EVA1A: variants seen among roughly 807,000 people sequenced by gnomAD.
EVA1A encodes the protein eva-1 homolog A, regulator of programmed cell death.
EVA1A carries 7 observed loss-of-function variants against 9.8 expected under a neutral mutation model. That is an observed-to-expected ratio of 0.71 (90% CI 0.41 to 1.34). The LOEUF is 1.34. Ranked by LOEUF, EVA1A falls within the 40% of genes most tolerant of loss-of-function variation. EVA1A has a pLI of 0.01. For synonymous variants in EVA1A, 90 were observed against 85.6 expected, an observed-to-expected ratio of 1.05 and a Z score of -0.28; for missense variants, 206 against 205.9, an observed-to-expected ratio of 1.00 and a Z score of 0.00.
At chr2:75,566,795 C>T (rs1677036649) in intron 1 of EVA1A, among the ~76,000 whole-genome samples, 1 of 152,190 alleles carries the variant, frequency 6.6e-6, no homozygotes, top group South Asian at 2.1e-4. Context: ...TTAATCAAAA[C>T]ATATTCACCA....
intron 1 of EVA1A, among the ~76,000 whole-genome samples, chr2:75,543,232 T>C (rs1572984041): frequency 6.6e-6 from 1 of 152,170 alleles, no homozygotes; most frequent in African/African-American, 2.4e-5. Context: ...TTGTGGATCC[T>C]TAATTCAGGA....
Position 75,560,749 on chromosome 2 carries a change from C to T in EVA1A, c.-261G>A, listed in dbSNP as rs1205974760. 2 of 152,568 alleles carry T rather than the reference C, an allele frequency of 1.3e-5. No homozygotes were observed. The highest frequency in any genetic ancestry group is 4.8e-5 in the African/African-American group (2 of 41,460). The allele number at this position is 152,568 out of a possible 1,614,324, so 9.5% of individuals were successfully genotyped here. ...GCGCGCGGGGCCGAGCAGGGGGACC[C>T]GGAGCTGATCACTGAGGGGCGGACA... On this transcript the variant is annotated 5_prime_UTR_variant, in exon 1 of 4. Transcript: ENST00000393913.
At chr2:75,499,703 T>G (rs1179677318) in intron 3 of EVA1A, among the ~76,000 whole-genome samples, 1 of 152,150 alleles carries the variant, frequency 6.6e-6, no homozygotes, top group African/African-American at 2.4e-5. Context: ...TGCCACTAGT[T>G]GCATCAGGAA....
rs943500584 is a variant in EVA1A at position 75,542,500 on chromosome 2, G to A, written c.-192+18180C>T. On this transcript the variant is annotated intron_variant, in intron 1 of 3. Transcript: ENST00000393913. Reference sequence around the variant, plus strand: ...GTCTTCTCCGTTCATTTCCCACTTGGTTCTACTTCTGGGTTTTGCTCTGTT... The same window carrying A: ...GTCTTCTCCGTTCATTTCCCACTTGATTCTACTTCTGGGTTTTGCTCTGTT... 3.3e-5 allele frequency: 5 copies of A among 152,302 alleles called. No homozygotes were observed. In the East Asian group the frequency reaches 9.7e-4, roughly 29 times the overall value. 9.4% of individuals were successfully genotyped at this position (152,302 alleles called of 1,614,324 possible).
At chr2:75,510,841 G>A (rs1674787473) in intron 3 of EVA1A, among the ~76,000 whole-genome samples, 1 of 152,200 alleles carries the variant, frequency 6.6e-6, no homozygotes, top group African/African-American at 2.4e-5. Flanking sequence ...AAATACAAAT[G>A]GCTCTTCAAC....
At chr2:75,513,757 T>C (rs1674906125) in intron 3 of EVA1A, among the ~76,000 whole-genome samples, 1 of 152,206 alleles carries the variant, frequency 6.6e-6, no homozygotes, top group Admixed American at 6.5e-5. Flanking sequence ...AGCTGGAATA[T>C]ATTACACTGA....
Position 75,495,807 on chromosome 2 carries a change from T to A in EVA1A, c.86-2198A>T, listed in dbSNP as rs893743383. Among the ~76,000 whole-genome samples, 17 of 152,336 alleles carry A rather than the reference T, an allele frequency of 1.1e-4. No individual in the cohort carries two copies. In the East Asian group the frequency reaches 3.1e-3, roughly 28 times the overall value. On this transcript the variant is annotated intron_variant, in intron 3 of 3. Coordinates refer to ENST00000393913, the MANE Select transcript of EVA1A (RefSeq NM_001135032.2). ...AAAAAATATTGTCCAAATATGTTCCTAAAATTTCATGAAATCCATTACATC... is the reference window on the plus strand; with the variant it reads ...AAAAAATATTGTCCAAATATGTTCCAAAAATTTCATGAAATCCATTACATC...
intron 3 of EVA1A, among the ~76,000 whole-genome samples, chr2:75,514,170 G>A (rs192839767): frequency 6.6e-6 from 1 of 152,296 alleles, no homozygotes; most frequent in East Asian, 1.9e-4. Context: ...AATCAATGAT[G>A]GTGGGACTAA....
chr2:75,526,542 AAG>A (rs1326089023), intron 1 of EVA1A, among the ~76,000 whole-genome samples: 1 of 152,218 alleles, frequency 6.6e-6, no homozygotes, highest in African/African-American at 2.4e-5. Flanking sequence ...AAAGTTGCCT[AAG>A]ATCACCTAGC....
At position 75,552,654 on chromosome 2, in the gene EVA1A, T is replaced by C. The variant is rs954605978; in HGVS notation, c.-192+8026A>G. 7.2e-5 allele frequency among the ~76,000 whole-genome samples: 11 copies of C among 152,320 alleles called. No homozygotes were observed. The South Asian group carries it at 1.7e-3, about 23-fold the overall frequency. ...GCCAATTACAAATAAACCACTGTAG[T>C]AGACATTTCCCATACTTCATTGTAT... On this transcript the variant is annotated intron_variant, in intron 1 of 3. Transcript: ENST00000393913.
At chr2:75,518,342 C>G in intron 2 of EVA1A, 134 bp from the exon 3 acceptor site, 1 of 990,190 alleles carries the variant, frequency 1.0e-6, no homozygotes, top group East Asian at 2.9e-5. Context: ...TTGGAAACTA[C>G]AGACCCTCTC....
At chr2:75,527,963 C>T (rs983932820) in intron 1 of EVA1A, among the ~76,000 whole-genome samples, 7 of 152,176 alleles carry the variant, frequency 4.6e-5, no homozygotes, top group Admixed American at 2.6e-4. Flanking sequence ...GAACATACAT[C>T]CTCACTGGGG....
rs1049812960 is a variant in EVA1A at position 75,539,956 on chromosome 2, G to A, written c.-191-17469C>T. Among the ~76,000 whole-genome samples, 14 of 152,320 alleles carry A rather than the reference G, an allele frequency of 9.2e-5. No individual in the cohort carries two copies. The South Asian group carries it at 2.9e-3, about 32-fold the overall frequency. On this transcript the variant is annotated intron_variant, in intron 1 of 3. Transcript: ENST00000393913. ...CCAGGAACCATGGAGGACACAAATAGTGGGAGCTGGAGCCATGGAGGAGAT... is the reference window on the plus strand; with the variant it reads ...CCAGGAACCATGGAGGACACAAATAATGGGAGCTGGAGCCATGGAGGAGAT...
intron 3 of EVA1A, among the ~76,000 whole-genome samples, chr2:75,494,781 T>C (rs1030998401): frequency 6.6e-5 from 10 of 152,364 alleles, no homozygotes; most frequent in South Asian, 4.1e-4. Flanking sequence ...GGGGTAGTTT[T>C]GTAAAAAGCA....
At chr2:75,504,288 G>A (rs1294349441) in intron 3 of EVA1A, among the ~76,000 whole-genome samples, 2 of 152,158 alleles carry the variant, frequency 1.3e-5, no homozygotes, top group African/African-American at 4.8e-5. Context: ...GTGGGTGCCT[G>A]TAATCCCAGC....
At chr2:75,553,421 TGA>T (rs1368277005) in intron 1 of EVA1A, among the ~76,000 whole-genome samples, 1 of 152,260 alleles carries the variant, frequency 6.6e-6, no homozygotes, top group Non-Finnish European at 1.5e-5. Context: ...CTTACTGTAA[TGA>T]GAGATGGACA....
At chr2:75,517,901 G>C in intron 3 of EVA1A, 155 bp downstream of exon 3, 2 of 857,208 alleles carry the variant, frequency 2.3e-6, no homozygotes, top group Non-Finnish European at 3.9e-6. Flanking sequence ...TCCCAACCTG[G>C]AGACCTTTCA....
At chr2:75,561,850 C>T (rs754632186), upstream of EVA1A, among the ~76,000 whole-genome samples, 1 of 152,076 alleles carries the variant, frequency 6.6e-6, no homozygotes, top group South Asian at 2.1e-4. Flanking sequence ...CTCCTAGAAG[C>T]AGTGTGATGG....
chr2:75,506,593 C>T (rs1390670375), intron 3 of EVA1A, among the ~76,000 whole-genome samples: 2 of 152,170 alleles, frequency 1.3e-5, no homozygotes, highest in South Asian at 4.1e-4. Context: ...GCTTCTGAAA[C>T]CAGAGTAGGC....
Sources: gnomAD v4.1 joint callset for allele counts (sites outside exome capture counted in the v4.1 genomes callset) on GRCh38, gnomAD v4.1.1 for gene constraint, MANE v1.5 for transcripts, NCBI Gene and HGNC (gene_info 2026-07-23, HGNC 2026-07-21) for gene names.